Variants in CBARP observed in about 807,000 individuals in gnomAD.
CBARP encodes the protein CACN subunit beta associated regulatory protein, also known as voltage-dependent calcium channel beta subunit-associated regulatory protein.
A neutral mutation model predicts 36.3 loss-of-function variants in CBARP; 24 were observed. That is an observed-to-expected ratio of 0.66 (90% CI 0.48 to 0.93). The LOEUF (loss-of-function observed/expected upper bound fraction) is 0.93, where lower values mean the gene tolerates loss of function less well. Among genes scored for constraint, CBARP ranks in the 40% least tolerant of loss-of-function variants. The probability of loss-of-function intolerance (pLI) is 0.00; values close to 1 mark genes in which losing one functional copy is unlikely to be tolerated. For missense variants in CBARP, 1,146 were observed against 980.4 expected (o/e 1.17, Z -2.26); for synonymous variants, 586 against 453.2 (o/e 1.29, Z -3.72).
At chr19:1,234,971 T>C (rs1404471592) in intron 5 of CBARP, 30 bp downstream of exon 5, 1 of 1,587,976 alleles carries the variant, frequency 6.3e-7, no homozygotes, top group Admixed American at 1.7e-5. Context: ...AGACAGGCCC[T>C]GGGGTGCCTC....
chr19:1,230,554 C>G, intron 9 of CBARP: 2 of 1,083,402 alleles, frequency 1.8e-6, no homozygotes, highest in Non-Finnish European at 2.2e-6. Context: ...TGCTGGATAA[C>G]CAGCAGGAGG....
rs1258674440 is a variant in CBARP, at chr19:1,235,040, A to C, written c.416T>G (p.Leu139Arg). 1.2e-6 allele frequency: 2 copies of C among 1,610,840 alleles called. No homozygotes were observed. The highest frequency in any genetic ancestry group is 1.1e-5 in the South Asian group (1 of 90,972). ...CTGCGTCTTGCGGCTCTGCTCAAAC[A>C]GCGCCGCCTCATTGAAGGAGACCCG... Reference protein sequence around the residue: ...GRRVSFNEAALFEQSRKTQDK... With the variant: ...GRRVSFNEAARFEQSRKTQDK... Residue 139 changes from leucine to arginine, a missense_variant, in exon 5 of 10, where the codon CTG becomes CGG. Leu to Arg is a moderately radical substitution (Grantham distance 102). Transcript: ENST00000650044.
In CBARP at chr19:1,234,329, G is replaced by A; in HGVS notation, c.630C>T (p.Pro210=). The A allele has an allele frequency of 6.9e-7, 1 of 1,443,112 alleles. No homozygotes were observed. The highest frequency in any genetic ancestry group is 9.1e-7 in the Non-Finnish European group (1 of 1,095,922). The allele number at this position is 1,443,112 out of a possible 1,614,324, so 89.4% of individuals were successfully genotyped here. ...AGCGGCCGGTGAGGGCCTTCCCCGG[G>A]GGCTGTGGGACAGAGCCAGGTGGGG... ...SPKATLAIFQ[P]PGKALTGRSV... Residue 210 remains proline, a splice_region_variant and synonymous_variant, in exon 7 of 10, where the codon CCC becomes CCT. Transcript: ENST00000650044.
chr19:1,235,025 C>T lies in CBARP; in HGVS notation c.431G>A (p.Arg144His), dbSNP rs370902462. 3.7e-5 allele frequency: 60 copies of T among 1,609,256 alleles called. No individual in the cohort carries two copies. Among genetic ancestry groups the T allele is most frequent in the African/African-American group, 2.3e-4 (17 of 74,812 alleles). ...CCGGCGACCCTTGTCCTGCGTCTTGCGGCTCTGCTCAAACAGCGCCGCCTC... is the reference window on the plus strand; with the variant it reads ...CCGGCGACCCTTGTCCTGCGTCTTGTGGCTCTGCTCAAACAGCGCCGCCTC... ...FNEAALFEQS[R>H]KTQDKGRRYT... The change falls in exon 5 of 10, where the codon CGC becomes CAC. Residue 144 changes from arginine (R) to histidine (H), a missense_variant. Coordinates refer to ENST00000650044, the MANE Select transcript of CBARP (RefSeq NM_001393918.1).
chr19:1,233,299 G>C, intron 8 of CBARP, 127 bp downstream of exon 8: 1 of 968,604 alleles, frequency 1.0e-6, no homozygotes, highest in Non-Finnish European at 1.5e-6. Flanking sequence ...GACTGGGCAG[G>C]ACTCAGCCCC....
Position 1,229,325 on chromosome 19 carries a change from A to G in CBARP, c.1972T>C (p.Cys658Arg). Reference protein sequence around the residue: ...GGGGCPGSGLCVLPSGSVLDK... With the variant: ...GGGGCPGSGLRVLPSGSVLDK... ...AGCACCGACCCGGATGGTAGGACGCACAGGCCCGAGCCGGGGCACCCCCCG... is the reference window on the plus strand; with the variant it reads ...AGCACCGACCCGGATGGTAGGACGCGCAGGCCCGAGCCGGGGCACCCCCCG... Residue 658 changes from cysteine to arginine, a missense_variant, in exon 10 of 10, where the codon TGC becomes CGC. By Grantham distance (180) the Cys-to-Arg change is radical. Coordinates refer to ENST00000650044, the MANE Select transcript of CBARP (RefSeq NM_001393918.1). This position sits in a 1 kb window ranked among gnomAD's most constrained non-coding sequence, Gnocchi z 5.1. 8.0e-7 allele frequency: 1 copy of G among 1,243,530 alleles called. No individual in the cohort carries two copies. The highest frequency in any genetic ancestry group is 1.0e-6 in the Non-Finnish European group (1 of 969,850). The allele number at this position is 1,243,530 out of a possible 1,614,324, so 77.0% of individuals were successfully genotyped here. A position where few individuals can be genotyped will look rare whatever the true frequency, so the allele number is the denominator to read the frequency against.
intron 7 of CBARP, 96 bp from the exon 8 acceptor site, chr19:1,233,732 G>C: frequency 2.5e-6 from 3 of 1,211,536 alleles, no homozygotes; most frequent in Non-Finnish European, 3.4e-6. Context: ...AGTCCCAAGG[G>C]CCCCCCATCA....
chr19:1,230,186 C>T, intron 9 of CBARP, 44 bp from the exon 10 acceptor site: 8 of 996,256 alleles, frequency 8.0e-6, no homozygotes, highest in Non-Finnish European at 9.6e-6. Context: ...GAGCCCCGCG[C>T]CCCCTACCCG....
At position 1,234,453 on chromosome 19, in the gene CBARP, C is replaced by T. The variant is rs1228820754; in HGVS notation, c.627+118G>A. On this transcript the variant is annotated intron_variant, in intron 6 of 9. Transcript: ENST00000650044. Reference sequence around the variant, plus strand: ...CCCCCTGCCCTGCTCCACCCCACCCCGCCCATCCCGAGATGAGGGCCACCC... The same window carrying T: ...CCCCCTGCCCTGCTCCACCCCACCCTGCCCATCCCGAGATGAGGGCCACCC... The T allele has an allele frequency of 6.5e-5, 94 of 1,435,482 alleles. No individual in the cohort carries two copies. In the East Asian group the frequency reaches 2.0e-3, roughly 30 times the overall value. The allele number at this position is 1,435,482 out of a possible 1,614,324, so 88.9% of individuals were successfully genotyped here. A position where few individuals can be genotyped will look rare whatever the true frequency, so the allele number is the denominator to read the frequency against.
chr19:1,229,623 C>G lies in CBARP; in HGVS notation c.1674G>C (p.Pro558=). The change falls in exon 10 of 10, where the codon CCG becomes CCC. Residue 558 remains proline (P), a synonymous_variant. Coordinates refer to ENST00000650044, the MANE Select transcript of CBARP (RefSeq NM_001393918.1). The surrounding 1 kb of genome is among the most constrained non-coding windows in gnomAD (Gnocchi z 5.1). ...ALFHEFLRHD[P]HFDDTPAAAR... ...CGGCAGCCGGCGTGTCGTCGAAGTG[C>G]GGGTCGTGGCGCAGGAACTCGTGGA... The G allele has an allele frequency of 8.3e-7, 1 of 1,201,058 alleles. No homozygotes were observed. The highest frequency in any genetic ancestry group is 1.1e-6 in the Non-Finnish European group (1 of 947,866). The allele number at this position is 1,201,058 out of a possible 1,614,324, so 74.4% of individuals were successfully genotyped here.
In CBARP at chr19:1,230,083, G is replaced by T. The variant is rs1415799454; in HGVS notation, c.1214C>A (p.Ala405Glu). ...ASPDSPPERG[A>E]GSAGPEQQQP... The stretch of plus-strand genomic sequence containing the variant: ...CTGCTGCTCAGGCCCCGCGCTGCCC[G>T]CGCCGCGCTCCGGGGGGGAATCGGG... The change falls in exon 10 of 10, where the codon GCG (alanine) becomes GAG (glutamate). Residue 405 changes from alanine (A) to glutamate (E), a missense_variant. Ala to Glu is a moderately radical substitution (Grantham distance 107). Transcript: ENST00000650044. 5.4e-6 allele frequency: 6 copies of T among 1,103,994 alleles called. No homozygotes were observed. Among genetic ancestry groups the T allele is most frequent in the Non-Finnish European group, 6.7e-6 (6 of 898,458 alleles). The allele number at this position is 1,103,994 out of a possible 1,614,324, so 68.4% of individuals were successfully genotyped here. A position where few individuals can be genotyped will look rare whatever the true frequency, so the allele number is the denominator to read the frequency against.
rs1164441897 is a variant in CBARP at position 1,237,980 on chromosome 19, C to T, written c.-246G>A. The T allele has an allele frequency of 4.8e-5, 7 of 147,062 alleles. 1 individual carries two copies. The South Asian group carries it at 1.0e-3, about 22-fold the overall frequency. 9.1% of individuals were successfully genotyped at this position (147,062 alleles called of 1,614,324 possible). A position where few individuals can be genotyped will look rare whatever the true frequency, so the allele number is the denominator to read the frequency against. ...GTGCTGCCCGGTCCCCGGCCCGCCG[C>T]CCCCGCTGCGCTCGCCGCTGGGTCT... On this transcript the variant is annotated 5_prime_UTR_variant, in exon 1 of 10. Transcript: ENST00000650044.
rs540573275 is a variant in CBARP at position 1,234,311 on chromosome 19, G to C, written c.648C>G (p.Thr216=). Residue 216 remains threonine (T), a synonymous_variant, in exon 7 of 10, where the codon ACC becomes ACG. Transcript: ENST00000650044. ...CGGAGCTGGGGCCCACAGAGCGGCC[G>C]GTGAGGGCCTTCCCCGGGGGCTGTG... ...AIFQPPGKAL[T]GRSVGPSSAL... is the part of the protein sequence containing the mutation. 6.9e-7 allele frequency: 1 copy of C among 1,445,728 alleles called. No homozygotes were observed. The highest frequency in any genetic ancestry group is 9.1e-7 in the Non-Finnish European group (1 of 1,096,704). 89.6% of individuals were successfully genotyped at this position (1,445,728 alleles called of 1,614,324 possible).
At chr19:1,235,963 C>T in intron 2 of CBARP, 33 bp downstream of exon 2, 1 of 1,585,448 alleles carries the variant, frequency 6.3e-7, no homozygotes, top group East Asian at 2.3e-5. Context: ...CCTGGACGAC[C>T]TCCTGCCCCT....
intron 3 of CBARP, 101 bp downstream of exon 3, chr19:1,235,678 A>G: frequency 6.3e-7 from 1 of 1,594,118 alleles, no homozygotes; most frequent in Non-Finnish European, 8.5e-7. Context: ...CCAGAGGCAT[A>G]GCCCACCCTG....
Position 1,236,858 on chromosome 19 carries a change from G to C in CBARP, c.-21-737C>G, listed in dbSNP as rs1405343953. Among the ~76,000 whole-genome samples the C allele has an allele frequency of 1.0e-4, 15 of 146,600 alleles. No individual in the cohort carries two copies. The East Asian group carries it at 1.4e-3, about 14-fold the overall frequency. ...GGCGCGGGGGCGGCGGCCTGGGGGG[G>C]GGCGGCGGCCTCGGGGGGGCGGGCG... On this transcript the variant is annotated intron_variant, in intron 1 of 9. Coordinates refer to ENST00000650044, the MANE Select transcript of CBARP (RefSeq NM_001393918.1).
At chr19:1,230,673 T>C in intron 9 of CBARP, 2 of 1,278,816 alleles carry the variant, frequency 1.6e-6, no homozygotes, top group Non-Finnish European at 2.0e-6. Context: ...GCCCTGGGCT[T>C]CAGGGAAGTT....
At position 1,235,132 on chromosome 19, in the gene CBARP, C is replaced by T. The variant is rs1301652997; in HGVS notation, c.324G>A (p.Arg108=). 1.3e-6 allele frequency: 2 copies of T among 1,590,154 alleles called. No individual in the cohort carries two copies. Among genetic ancestry groups the T allele is most frequent in the South Asian group, 1.1e-5 (1 of 88,018 alleles). ...CATCCTGGCACTCGGGGTCCTCTCCCCGGAAGTCGGGGTCTGCGTGGAGAG... is the reference window on the plus strand; with the variant it reads ...CATCCTGGCACTCGGGGTCCTCTCCTCGGAAGTCGGGGTCTGCGTGGAGAG... ...GTHPAQDPDF[R]GEDPECQDAE... is the part of the protein sequence containing the mutation. Residue 108 remains arginine, a synonymous_variant, in exon 5 of 10, where the codon CGG becomes CGA. Transcript: ENST00000650044.
chr19:1,233,725 C>T (rs2080924504), intron 7 of CBARP, 89 bp from the exon 8 acceptor site: 1 of 1,239,436 alleles, frequency 8.1e-7, no homozygotes, highest in Non-Finnish European at 1.1e-6. Flanking sequence ...GAGAGACAGT[C>T]CCAAGGGCCC....
Sources: allele counts gnomAD v4.1 joint callset (sites outside exome capture counted in the v4.1 genomes callset), GRCh38; gene constraint gnomAD v4.1.1; non-coding constraint Gnocchi (gnomAD v3.1); transcripts MANE v1.5; gene names NCBI Gene and HGNC (gene_info 2026-07-23, HGNC 2026-07-21).